ITIH2: variants seen among roughly 807,000 people sequenced by gnomAD.
ITIH2 encodes the protein inter-alpha-trypsin inhibitor heavy chain 2, also known as inter-alpha-trypsin inhibitor heavy chain H2.
In ITIH2, 103 loss-of-function variants were observed where a neutral mutation model predicts 104.4. That is an observed-to-expected ratio of 0.99 (90% CI 0.84 to 1.16). The LOEUF is 1.16. Among genes scored for constraint, ITIH2 ranks in the 50% most tolerant of loss-of-function variants. ITIH2 has a pLI of 0.00. For synonymous variants in ITIH2, 436 were observed against 435.4 expected (o/e 1.00, Z -0.02); for missense variants, 1,108 against 1,162.4 (o/e 0.95, Z 0.68).
intron 16 of ITIH2, 49 bp from the exon 17 acceptor site, chr10:7,743,097 C>A (rs1424772820): frequency 4.5e-6 from 4 of 889,988 alleles, no homozygotes; most frequent in South Asian, 1.5e-5. Flanking sequence ...TGCTCAAAAT[C>A]ATCTTCCTTT....
In ITIH2 at chr10:7,721,789, C is replaced by T. The variant is rs1472099362; in HGVS notation, c.867+12C>T. ...CTGGTGAACTGGAGGTGAGTGCACA[C>T]CGGCTCTGGTTCTACTGCCAAGCTC... On this transcript the variant is annotated intron_variant, in intron 8 of 20. Coordinates refer to ENST00000358415, the MANE Select transcript of ITIH2 (RefSeq NM_002216.3). 6.2e-7 allele frequency: 1 copy of T among 1,613,158 alleles called. No homozygotes were observed. The highest frequency in any genetic ancestry group is 8.5e-7 in the Non-Finnish European group (1 of 1,179,530).
At position 7,743,178 on chromosome 10, in the gene ITIH2, C is replaced by T. The variant is rs2130965563; in HGVS notation, c.2128C>T (p.Pro710Ser). ...ENDPHFIIYL[P>S]KSQKNICFNI... Reference sequence around the variant, plus strand: ...TGACCCACATTTCATCATTTATCTACCAAAAAGCCAAAAGAACATTTGTTT... The same window carrying T: ...TGACCCACATTTCATCATTTATCTATCAAAAAGCCAAAAGAACATTTGTTT... The change falls in exon 17 of 21, where the codon CCA (proline) becomes TCA (serine). Residue 710 changes from proline (P) to serine (S), a missense_variant. Physicochemically the swap from Pro to Ser is moderately conservative, Grantham distance 74. Transcript: ENST00000358415. The T allele has an allele frequency of 1.9e-6, 3 of 1,583,816 alleles. No individual in the cohort carries two copies. The highest frequency in any genetic ancestry group is 2.6e-6 in the Non-Finnish European group (3 of 1,164,806).
At chr10:7,734,836 G>C in intron 14 of ITIH2, 86 bp from the exon 15 acceptor site, 1 of 1,194,568 alleles carries the variant, frequency 8.4e-7, no homozygotes, top group Non-Finnish European at 1.2e-6. Flanking sequence ...GACCCCAGCA[G>C]TGGTGGGGTG....
At chr10:7,717,507 T>A in intron 5 of ITIH2, 119 bp from the exon 6 acceptor site, 1 of 852,066 alleles carries the variant, frequency 1.2e-6, no homozygotes. Flanking sequence ...CTGTTCACTT[T>A]CATGAACTAC....
rs576466357 is a variant in ITIH2, at chr10:7,706,010, G to A, written c.159+828G>A. Among the ~76,000 whole-genome samples the A allele has an allele frequency of 3.3e-5, 5 of 152,242 alleles. No individual in the cohort carries two copies. In the South Asian group the frequency reaches 6.2e-4, roughly 19 times the overall value. Reference sequence around the variant, plus strand: ...AGGAAGGGCTTGGCTTCTTCCCCACGGAGCCCACATGCTGAGAGAGGAGGT... The same window carrying A: ...AGGAAGGGCTTGGCTTCTTCCCCACAGAGCCCACATGCTGAGAGAGGAGGT... On this transcript the variant is annotated intron_variant, in intron 2 of 20. Coordinates refer to ENST00000358415, the MANE Select transcript of ITIH2 (RefSeq NM_002216.3).
chr10:7,742,043 A>G (rs1181793036), intron 16 of ITIH2, among the ~76,000 whole-genome samples: 1 of 152,198 alleles, frequency 6.6e-6, no homozygotes, highest in African/African-American at 2.4e-5. Context: ...TACTTGAGCC[A>G]CTATTGCACC....
intron 14 of ITIH2, among the ~76,000 whole-genome samples, chr10:7,733,987 G>A (rs1057136558): frequency 1.3e-5 from 2 of 151,862 alleles, no homozygotes; most frequent in African/African-American, 4.8e-5. Context: ...ATAGCAAATT[G>A]TTGCAGAAGT....
intron 20 of ITIH2, 117 bp from the exon 21 acceptor site, chr10:7,749,070 G>T (rs1485662942): frequency 1.0e-6 from 1 of 983,924 alleles, no homozygotes; most frequent in Non-Finnish European, 1.6e-6. Context: ...AGCAGCGATA[G>T]GTGGGGGGCG....
intron 7 of ITIH2, 96 bp from the exon 8 acceptor site, chr10:7,721,553 T>C (rs1450374394): frequency 3.5e-6 from 4 of 1,135,350 alleles, no homozygotes; most frequent in Admixed American, 4.4e-5. Flanking sequence ...GAACGTCCAT[T>C]GGGCAGCTCC....
At chr10:7,729,864 AC>A in intron 11 of ITIH2, 87 bp from the exon 12 acceptor site, 3 of 827,590 alleles carry the variant, frequency 3.6e-6, no homozygotes, top group Non-Finnish European at 3.7e-6. Context: ...ATCTGGACAC[AC>A]TTTACTAAAC....
intron 12 of ITIH2, among the ~76,000 whole-genome samples, chr10:7,730,758 T>C (rs1454881992): frequency 6.6e-6 from 1 of 151,568 alleles, no homozygotes; most frequent in African/African-American, 2.4e-5. Flanking sequence ...AAGAACATGT[T>C]TTTCCCTGCT....
At chr10:7,728,021 G>A (rs1395578588) in intron 11 of ITIH2, among the ~76,000 whole-genome samples, 193 bp downstream of exon 11, 2 of 152,170 alleles carry the variant, frequency 1.3e-5, no homozygotes, top group Non-Finnish European at 2.9e-5. Context: ...CTTTCAGCAA[G>A]GGCGCTCTTG....
At position 7,721,736 on chromosome 10, in the gene ITIH2, C is replaced by A; in HGVS notation, c.826C>A (p.Leu276Met). 6.2e-7 allele frequency: 1 copy of A among 1,614,026 alleles called. No homozygotes were observed. Among genetic ancestry groups the A allele is most frequent in the South Asian group, 1.1e-5 (1 of 91,084 alleles). ...ETAVDGELVV[L>M]YDVKREEKAG... is the part of the protein sequence containing the mutation. Reference sequence around the variant, plus strand: ...TGCGGTAGATGGGGAACTGGTGGTGCTGTATGACGTGAAAAGAGAAGAGAA... The same window carrying A: ...TGCGGTAGATGGGGAACTGGTGGTGATGTATGACGTGAAAAGAGAAGAGAA... Residue 276 changes from leucine to methionine, a missense_variant, in exon 8 of 21, where the codon CTG becomes ATG. Physicochemically the swap from Leu to Met is conservative, Grantham distance 15. Coordinates refer to ENST00000358415, the MANE Select transcript of ITIH2 (RefSeq NM_002216.3).
At chr10:7,727,427 G>A (rs1347260774) in intron 10 of ITIH2, among the ~76,000 whole-genome samples, 2 of 152,166 alleles carry the variant, frequency 1.3e-5, no homozygotes, top group South Asian at 2.1e-4. Flanking sequence ...GGCTGATTTG[G>A]ATACTTTAAT....
At position 7,703,390 on chromosome 10, in the gene ITIH2, C is replaced by G. The variant is rs1834714704; in HGVS notation, c.-45C>G. On this transcript the variant is annotated 5_prime_UTR_variant, in exon 1 of 21. Coordinates refer to ENST00000358415, the MANE Select transcript of ITIH2 (RefSeq NM_002216.3). ...TTCAGTAGGAAGAAGTGATATCCTCCCCAGACCATCTGCTTTGGGGAGCTT... is the reference window on the plus strand; with the variant it reads ...TTCAGTAGGAAGAAGTGATATCCTCGCCAGACCATCTGCTTTGGGGAGCTT... 3 of 1,347,806 alleles carry G rather than the reference C, an allele frequency of 2.2e-6. No individual in the cohort carries two copies. Among genetic ancestry groups the G allele is most frequent in the Admixed American group, 1.7e-5 (1 of 59,634 alleles). The allele number at this position is 1,347,806 out of a possible 1,614,324, so 83.5% of individuals were successfully genotyped here.
At chr10:7,739,846 G>T (rs113784059) in intron 16 of ITIH2, among the ~76,000 whole-genome samples, 9,563 of 152,214 alleles carry the variant, frequency 0.063, 447 homozygotes, top group East Asian at 0.25. Context: ...CTATCATTGC[G>T]CCACTACATT....
At position 7,725,287 on chromosome 10, in the gene ITIH2, T is replaced by G. The variant is rs577940594; in HGVS notation, c.985-1663T>G. Among the ~76,000 whole-genome samples, 340 of 152,310 alleles carry G rather than the reference T, an allele frequency of 2.2e-3. 1 individual carries two copies. Among genetic ancestry groups the G allele is most frequent in the African/African-American group, 7.4e-3 (306 of 41,558 alleles). On this transcript the variant is annotated intron_variant, in intron 9 of 20. Coordinates refer to ENST00000358415, the MANE Select transcript of ITIH2 (RefSeq NM_002216.3). ...AATAGGTGGTTTCCTGGAGAAGACCTCTGAGGAGACCCTGAGAAGGTGAAG... is the reference window on the plus strand; with the variant it reads ...AATAGGTGGTTTCCTGGAGAAGACCGCTGAGGAGACCCTGAGAAGGTGAAG...
At chr10:7,712,043 G>A (rs1834800759) in intron 4 of ITIH2, among the ~76,000 whole-genome samples, 1 of 152,172 alleles carries the variant, frequency 6.6e-6, no homozygotes, top group African/African-American at 2.4e-5. Context: ...ACACCACCTT[G>A]GCAGGGGACC....
At chr10:7,738,857 A>G (rs1390243841) in intron 16 of ITIH2, 99 bp downstream of exon 16, 3 of 1,250,192 alleles carry the variant, frequency 2.4e-6, no homozygotes, top group Non-Finnish European at 3.2e-6. Context: ...TCACGCCTGT[A>G]ATCGCAGCAC....
Sources: allele counts gnomAD v4.1 joint callset (sites outside exome capture counted in the v4.1 genomes callset), GRCh38; gene constraint gnomAD v4.1.1; transcripts MANE v1.5; gene names NCBI Gene and HGNC (gene_info 2026-07-23, HGNC 2026-07-21).